ERAP1: variants seen among roughly 807,000 people sequenced by gnomAD.
ERAP1 encodes the protein endoplasmic reticulum aminopeptidase 1.
Under a neutral mutation model 103.7 loss-of-function variants are expected in ERAP1, and 86 were observed. That is an observed-to-expected ratio of 0.83 (90% confidence interval 0.70 to 0.99). The LOEUF (loss-of-function observed/expected upper bound fraction) is 0.99. Among genes scored for constraint, ERAP1 ranks in the 50% least tolerant of loss-of-function variants. The pLI, the probability that ERAP1 is intolerant of heterozygous loss-of-function variation, is 0.00. For missense variants in ERAP1, 1,009 were observed against 1,128.4 expected, an observed-to-expected ratio of 0.89 and a Z score of 1.52; for synonymous variants, 398 against 402.4, an observed-to-expected ratio of 0.99 and a Z score of 0.13.
rs200327917 is a variant in ERAP1 at position 96,795,165 on chromosome 5, A to G, written c.799-3T>C. Reference sequence around the variant, plus strand: ...TCTGGCACAGCATAAACAGAAACCTAAAGAGAAAGGCACAGAAAGGAATTC... The same window carrying G: ...TCTGGCACAGCATAAACAGAAACCTGAAGAGAAAGGCACAGAAAGGAATTC... On this transcript the variant is annotated splice_region_variant and splice_polypyrimidine_tract_variant and intron_variant, in intron 4 of 18. Transcript: ENST00000443439. 3.5e-5 allele frequency: 56 copies of G among 1,613,250 alleles called. No individual in the cohort carries two copies. The highest frequency in any genetic ancestry group is 4.2e-5 in the Non-Finnish European group (49 of 1,179,936).
the ERAP1 span, among the ~76,000 whole-genome samples, chr5:96,925,134 T>A: frequency 5.9e-5 from 9 of 152,244 alleles, no homozygotes; most frequent in Non-Finnish European, 1.2e-4. Context: ...TGGTTTGCTA[T>A]TACAAGTCTA....
the ERAP1 span, among the ~76,000 whole-genome samples, chr5:96,851,149 G>A: frequency 3.3e-5 from 5 of 152,176 alleles, no homozygotes; most frequent in African/African-American, 1.2e-4. Context: ...ATTATATTAT[G>A]GTCTATGTTT....
chr5:96,780,327 AACTC>A (rs67287911), intron 18 of ERAP1, 92 bp downstream of exon 18: 207,325 of 891,704 alleles, frequency 0.23, 23,857 homozygotes, highest in East Asian at 0.29. Flanking sequence ...ATCCATTTCT[AACTC>A]ACCACACCCT....
chr5:96,795,214 C>T (rs766497561), intron 4 of ERAP1, 52 bp from the exon 5 acceptor site: 1 of 1,606,178 alleles, frequency 6.2e-7, no homozygotes, highest in South Asian at 1.1e-5. Context: ...GGCTTCTCTC[C>T]CCACATTGTG....
the ERAP1 span, among the ~76,000 whole-genome samples, chr5:96,839,176 T>A: frequency 6.6e-6 from 1 of 152,378 alleles, no homozygotes; most frequent in Admixed American, 6.5e-5. Flanking sequence ...CTGGAGGACA[T>A]GTCATCCTTG....
At chr5:96,892,616 C>G in the ERAP1 span, among the ~76,000 whole-genome samples, 1 of 152,212 alleles carries the variant, frequency 6.6e-6, no homozygotes, top group Admixed American at 6.5e-5. Context: ...TACTCAGTCT[C>G]TGAACTGTGG....
At chr5:96,852,148 T>A in the ERAP1 span, among the ~76,000 whole-genome samples, 1 of 152,372 alleles carries the variant, frequency 6.6e-6, no homozygotes, top group African/African-American at 2.4e-5. Context: ...AACACCCACT[T>A]CTATTATTTT....
chr5:96,839,769 A>G, the ERAP1 span, among the ~76,000 whole-genome samples: 1 of 152,056 alleles, frequency 6.6e-6, no homozygotes, highest in Non-Finnish European at 1.5e-5. Flanking sequence ...AGCCCTTTCC[A>G]TATATTTTAT....
chr5:96,849,401 TAAAC>T, the ERAP1 span, among the ~76,000 whole-genome samples: 1 of 152,122 alleles, frequency 6.6e-6, no homozygotes, highest in African/African-American at 2.4e-5. Flanking sequence ...TTAGAACTAA[TAAAC>T]AAATTGAGTA....
intron 16 of ERAP1, 134 bp downstream of exon 16, chr5:96,781,559 A>C (rs1775173174): frequency 1.8e-6 from 2 of 1,133,362 alleles, no homozygotes; most frequent in Non-Finnish European, 2.6e-6. Flanking sequence ...TTCTCATTAG[A>C]TGTGTGCTGA....
chr5:96,842,449 A>G, the ERAP1 span, among the ~76,000 whole-genome samples: 1 of 152,264 alleles, frequency 6.6e-6, no homozygotes, highest in Admixed American at 6.5e-5. Flanking sequence ...GCCAACATCT[A>G]TCATCTTTTG....
At chr5:96,812,585 G>A (rs1022332015), upstream of ERAP1, among the ~76,000 whole-genome samples, 1 of 152,080 alleles carries the variant, frequency 6.6e-6, no homozygotes, top group Non-Finnish European at 1.5e-5. Context: ...AGGGACCATG[G>A]TGTTATGCTA....
At chr5:96,880,867 G>T in the ERAP1 span, 1 of 160,128 alleles carries the variant, frequency 6.2e-6, no homozygotes, top group Non-Finnish European at 1.4e-5. Flanking sequence ...AAGGTAATTG[G>T]CCAGTGTTAT....
the ERAP1 span, among the ~76,000 whole-genome samples, chr5:96,922,025 G>A: frequency 7.2e-5 from 11 of 152,304 alleles, no homozygotes; most frequent in East Asian, 1.9e-3. Flanking sequence ...TAGGCCGGGC[G>A]CGGTGGCTCA....
the ERAP1 span, among the ~76,000 whole-genome samples, chr5:96,823,338 C>G: frequency 6.6e-6 from 1 of 152,186 alleles, no homozygotes; most frequent in African/African-American, 2.4e-5. Flanking sequence ...CTGTCTATCA[C>G]AGGTACCAAA....
chr5:96,856,264 A>C, the ERAP1 span, among the ~76,000 whole-genome samples: 2 of 138,116 alleles, frequency 1.4e-5, no homozygotes, highest in Non-Finnish European at 3.1e-5. Flanking sequence ...GATTGCAGTG[A>C]GCCAAGATTG....
the ERAP1 span, chr5:96,910,160 G>T: frequency 6.2e-6 from 1 of 162,270 alleles, no homozygotes; most frequent in Non-Finnish European, 1.4e-5. Context: ...AGCTACTTCG[G>T]AGGCTGAGGT....
downstream of ERAP1, chr5:96,772,574 C>T (rs956106403): frequency 3.3e-5 from 5 of 152,694 alleles, no homozygotes; most frequent in Non-Finnish European, 5.9e-5. Flanking sequence ...GGTATATTTA[C>T]TATGTCTGTA....
Position 96,781,054 on chromosome 5 carries a change from T to C in ERAP1, c.2588+4A>G, listed in dbSNP as rs369479857. ...GTCACAGCACAATTTTTGGCACCAC[T>C]TACTTTTGTACAAGTTTGTTCCAGT... On this transcript the variant is annotated splice_donor_region_variant and intron_variant, in intron 17 of 18. Transcript: ENST00000443439. 1.1e-4 allele frequency: 181 copies of C among 1,613,966 alleles called. No homozygotes were observed. Among genetic ancestry groups the C allele is most frequent in the Non-Finnish European group, 1.4e-4 (171 of 1,179,982 alleles).
Sources: allele counts gnomAD v4.1 joint callset (sites outside exome capture counted in the v4.1 genomes callset), GRCh38; gene constraint gnomAD v4.1.1; transcripts MANE v1.5; gene names NCBI Gene and HGNC (gene_info 2026-07-23, HGNC 2026-07-21).